DCC: variants seen among roughly 807,000 people sequenced by gnomAD.
DCC encodes DCC netrin 1 receptor, also known as netrin receptor DCC.
Under a neutral mutation model 172.5 loss-of-function variants are expected in DCC, and 58 were observed. The observed-to-expected ratio is 0.34, with a 90% CI of 0.27 to 0.42. DCC has a LOEUF of 0.42. DCC is among the 10% of genes least tolerant of loss of function. The probability of loss-of-function intolerance (pLI) is 1.00; values close to 1 mark genes in which losing one functional copy is unlikely to be tolerated. For synonymous variants in DCC, 709 were observed against 644.5 expected (o/e 1.10, Z -1.52); for missense variants, 1,740 against 1,791.0 (o/e 0.97, Z 0.51).
At chr18:53,487,675 T>C (rs746236438) in intron 26 of DCC, among the ~76,000 whole-genome samples, 5 of 151,994 alleles carry the variant, frequency 3.3e-5, no homozygotes, top group Admixed American at 1.3e-4. Context: ...ATTTTTGAGG[T>C]AAGGTATATT....
chr18:52,375,023 C>G (rs1985286407), intron 1 of DCC, among the ~76,000 whole-genome samples: 1 of 152,240 alleles, frequency 6.6e-6, no homozygotes, highest in African/African-American at 2.4e-5. Context: ...ATTTAACAAT[C>G]TGATACATGG....
At chr18:53,015,992 A>G (rs939516124) in intron 5 of DCC, among the ~76,000 whole-genome samples, 20 of 152,252 alleles carry the variant, frequency 1.3e-4, no homozygotes, top group Non-Finnish European at 2.4e-4. Flanking sequence ...AATCCACATA[A>G]TCCAAGTTTA....
In DCC at chr18:52,422,170, C is replaced by T. The variant is rs913355565; in HGVS notation, c.91+81292C>T. Among the ~76,000 whole-genome samples the T allele has an allele frequency of 3.9e-5, 6 of 152,110 alleles. No homozygotes were observed. The South Asian group carries it at 8.3e-4, about 21-fold the overall frequency. ...TAACAAAAAGAAAAGTGAGTGAATG[C>T]GTGAATAAATGAATGGACACAAATG... On this transcript the variant is annotated intron_variant, in intron 1 of 28. Transcript: ENST00000442544.
chr18:52,491,346 G>A (rs58595181), intron 1 of DCC, among the ~76,000 whole-genome samples: 9,347 of 152,000 alleles, frequency 0.061, 355 homozygotes, highest in East Asian at 0.083. Context: ...ATATATAATT[G>A]CAAACTGTGG....
chr18:53,263,345 T>C (rs1218148918), intron 12 of DCC, among the ~76,000 whole-genome samples: 1 of 151,962 alleles, frequency 6.6e-6, no homozygotes, highest in Non-Finnish European at 1.5e-5. Flanking sequence ...AGAGACAGGG[T>C]TTTGCTACAT....
chr18:52,969,582 C>CACTCTCT (rs60961374), intron 5 of DCC, among the ~76,000 whole-genome samples: 1,530 of 79,998 alleles, frequency 0.019, 53 homozygotes, highest in African/African-American at 0.058. Flanking sequence ...GCCCCGCCCC[C>CACTCTCT]CACTCTCTCT....
intron 2 of DCC, among the ~76,000 whole-genome samples, chr18:52,815,475 G>A (rs2038279085): frequency 1.3e-5 from 2 of 149,780 alleles, no homozygotes; most frequent in Non-Finnish European, 3.0e-5. Context: ...CTGCCCCCCT[G>A]TCCCCACCAA....
Position 53,054,489 on chromosome 18 carries a change from G to T in DCC, c.986-8816G>T, listed in dbSNP as rs151214836. Among the ~76,000 whole-genome samples, 170 of 152,188 alleles carry T rather than the reference G, an allele frequency of 1.1e-3. 3 individuals carry two copies. In the East Asian group the frequency reaches 0.03, roughly 27 times the overall value. On this transcript the variant is annotated intron_variant, in intron 5 of 28. Transcript: ENST00000442544. ...ATATTAACAAAAGCGTAGCAATAAT[G>T]TCAGTAAGTATATAGAATTTGGACC...
rs567898344 is a variant in DCC, at chr18:52,599,107, A to G, written c.92-152947A>G. On this transcript the variant is annotated intron_variant, in intron 1 of 28. Coordinates refer to ENST00000442544, the MANE Select transcript of DCC (RefSeq NM_005215.4). ...GAACAGTCAAACCACAGATGGATCA[A>G]TTAGGTAGCAGGGTGATTAGGGCAT... 7.2e-5 allele frequency among the ~76,000 whole-genome samples: 11 copies of G among 152,324 alleles called. No individual in the cohort carries two copies. In the East Asian group the frequency reaches 7.7e-4, roughly 11 times the overall value.
At chr18:53,091,937 C>T (rs1736807940) in intron 7 of DCC, among the ~76,000 whole-genome samples, 1 of 151,112 alleles carries the variant, frequency 6.6e-6, no homozygotes, top group Non-Finnish European at 1.5e-5. Flanking sequence ...TTCTGAATAC[C>T]ATTGGCTAGC....
At chr18:53,370,743 C>T (rs1431349245) in intron 15 of DCC, among the ~76,000 whole-genome samples, 1 of 151,768 alleles carries the variant, frequency 6.6e-6, no homozygotes, top group Non-Finnish European at 1.5e-5. Flanking sequence ...TGATCTTTAT[C>T]TCTCACTATG....
chr18:52,653,943 T>G (rs180949418), intron 1 of DCC, among the ~76,000 whole-genome samples: 4 of 152,326 alleles, frequency 2.6e-5, no homozygotes, highest in Non-Finnish European at 5.9e-5. Flanking sequence ...TTATTCTTTC[T>G]TGGTGATCAA....
At chr18:52,465,757 C>G (rs978718917) in intron 1 of DCC, among the ~76,000 whole-genome samples, 2 of 149,590 alleles carry the variant, frequency 1.3e-5, no homozygotes, top group Admixed American at 1.5e-4. Context: ...TAACTTCCCT[C>G]GTTTAGTTAA....
At chr18:53,293,493 CA>C (rs2057029589) in intron 12 of DCC, among the ~76,000 whole-genome samples, 1 of 152,078 alleles carries the variant, frequency 6.6e-6, no homozygotes, top group African/African-American at 2.4e-5. Context: ...ATTTTAGTTT[CA>C]GGGGTACATG....
chr18:52,364,364 G>A (rs189826692), intron 1 of DCC, among the ~76,000 whole-genome samples: 1,819 of 149,882 alleles, frequency 0.012, 35 homozygotes, highest in East Asian at 0.073. Context: ...ATCACTCATC[G>A]TTACATGACT....
chr18:53,000,064 T>C (rs1042813681), intron 5 of DCC, among the ~76,000 whole-genome samples: 4 of 152,020 alleles, frequency 2.6e-5, no homozygotes, highest in Non-Finnish European at 5.9e-5. Context: ...GGGAGGATTC[T>C]ACCCAGGGTC....
At chr18:52,443,763 C>G (rs987014258) in intron 1 of DCC, among the ~76,000 whole-genome samples, 3 of 152,126 alleles carry the variant, frequency 2.0e-5, no homozygotes, top group Admixed American at 1.3e-4. Flanking sequence ...CAAGTTAGGA[C>G]TTTATTGTGT....
intron 1 of DCC, among the ~76,000 whole-genome samples, chr18:52,489,968 C>T (rs1247305570): frequency 6.6e-6 from 1 of 152,104 alleles, no homozygotes; most frequent in African/African-American, 2.4e-5. Context: ...CATTTTGACA[C>T]TGTATTATTT....
Position 53,179,127 on chromosome 18 carries a change from A to G in DCC, c.1573+11A>G. On this transcript the variant is annotated intron_variant, in intron 9 of 28. Transcript: ENST00000442544. ...CCACACAGCCTGAGTGTGAGTATGA[A>G]AAGGAACGGGCCACATTTAAAAAGT... 6.2e-7 allele frequency: 1 copy of G among 1,612,664 alleles called. No individual in the cohort carries two copies.
Sources: allele counts gnomAD v4.1 joint callset (sites outside exome capture counted in the v4.1 genomes callset), GRCh38; gene constraint gnomAD v4.1.1; transcripts MANE v1.5; gene names NCBI Gene and HGNC (gene_info 2026-07-23, HGNC 2026-07-21).